The following TASP1 variants were observed in gnomAD, a reference collection of about 807,000 sequenced individuals.
TASP1 encodes the protein taspase 1.
In TASP1, 16 loss-of-function variants were observed where a neutral mutation model predicts 56.6. The observed-to-expected ratio is 0.28, with a 90% CI of 0.19 to 0.43. The LOEUF (loss-of-function observed/expected upper bound fraction) is 0.43, where lower values mean the gene tolerates loss of function less well. Ranked by LOEUF, TASP1 falls within the 20% of genes least tolerant of loss-of-function variation. The pLI is 1.00. For synonymous variants in TASP1, 179 were observed against 184.2 expected, an observed-to-expected ratio of 0.97 and a Z score of 0.23; for missense variants, 393 against 511.6, an observed-to-expected ratio of 0.77 and a Z score of 2.24.
rs145383145 is a variant in TASP1 at position 13,428,597 on chromosome 20, G to A, written c.1096+6447C>T. ...AGCATTTGCTTTGCGTTAAATCAGCGATTTGTAGGCTGGGCTTTGTCAGCA... is the reference window on the plus strand; with the variant it reads ...AGCATTTGCTTTGCGTTAAATCAGCAATTTGTAGGCTGGGCTTTGTCAGCA... On this transcript the variant is annotated intron_variant, in intron 12 of 13. Coordinates refer to ENST00000337743, the MANE Select transcript of TASP1 (RefSeq NM_017714.3). Among the ~76,000 whole-genome samples, 379 of 152,222 alleles carry A rather than the reference G, an allele frequency of 2.5e-3. 1 individual carries two copies. Among genetic ancestry groups the A allele is most frequent in the African/African-American group, 8.5e-3 (354 of 41,534 alleles).
At chr20:13,634,405 C>A (rs572719008) in intron 1 of TASP1, among the ~76,000 whole-genome samples, 12 of 152,114 alleles carry the variant, frequency 7.9e-5, no homozygotes, top group Non-Finnish European at 1.6e-4. Context: ...AGAGGGACTG[C>A]TACTGGGAGC....
chr20:13,127,679 C>T, the TASP1 span, among the ~76,000 whole-genome samples: 1 of 152,132 alleles, frequency 6.6e-6, no homozygotes, highest in Non-Finnish European at 1.5e-5. Flanking sequence ...ACTGATACCC[C>T]CTGGGGCCCT....
chr20:13,289,188 ACAATGT>A, the TASP1 span, among the ~76,000 whole-genome samples: 1 of 152,310 alleles, frequency 6.6e-6, no homozygotes, highest in East Asian at 1.9e-4. Flanking sequence ...GACCTAAAAG[ACAATGT>A]CGCATTGTAC....
chr20:13,255,905 T>C, the TASP1 span, among the ~76,000 whole-genome samples: 4 of 145,634 alleles, frequency 2.7e-5, no homozygotes, highest in African/African-American at 1.0e-4. Context: ...ATTCAGAGGA[T>C]ATTTAGTAAA....
At chr20:13,224,879 T>C in the TASP1 span, among the ~76,000 whole-genome samples, 2 of 143,344 alleles carry the variant, frequency 1.4e-5, no homozygotes, top group African/African-American at 2.6e-5. Flanking sequence ...GCAGTCTTGC[T>C]CTGTCGCCCA....
At chr20:13,451,552 C>T (rs544825746) in intron 11 of TASP1, among the ~76,000 whole-genome samples, 2 of 150,810 alleles carry the variant, frequency 1.3e-5, no homozygotes, top group East Asian at 4.0e-4. Context: ...TTTCCTTATA[C>T]CTCATGAATG....
At chr20:13,177,685 G>A in the TASP1 span, among the ~76,000 whole-genome samples, 1 of 152,116 alleles carries the variant, frequency 6.6e-6, no homozygotes, top group Non-Finnish European at 1.5e-5. Context: ...TCAATAAATG[G>A]TGCTGGGAAA....
intron 13 of TASP1, among the ~76,000 whole-genome samples, chr20:13,405,150 C>T (rs2041870460): frequency 6.6e-6 from 1 of 152,166 alleles, no homozygotes; most frequent in Non-Finnish European, 1.5e-5. Flanking sequence ...TATCCCTAAA[C>T]AGACTGAAAG....
At chr20:13,445,987 G>A (rs1160511854) in intron 11 of TASP1, among the ~76,000 whole-genome samples, 2 of 152,110 alleles carry the variant, frequency 1.3e-5, no homozygotes, top group Non-Finnish European at 2.9e-5. Flanking sequence ...CAACCAATGT[G>A]TACATACTGA....
At chr20:13,570,259 C>A (rs1375402851) in intron 6 of TASP1, among the ~76,000 whole-genome samples, 2 of 151,978 alleles carry the variant, frequency 1.3e-5, no homozygotes, top group South Asian at 4.1e-4. Flanking sequence ...GGATAATTAC[C>A]CCATTCCCTA....
chr20:13,367,885 G>A, the TASP1 span, among the ~76,000 whole-genome samples: 1 of 152,086 alleles, frequency 6.6e-6, no homozygotes, highest in South Asian at 2.1e-4. Flanking sequence ...AAACAAGGCT[G>A]GGCCAGGATA....
chr20:13,543,341 G>A (rs2045692676), intron 8 of TASP1, among the ~76,000 whole-genome samples: 1 of 152,092 alleles, frequency 6.6e-6, no homozygotes, highest in Non-Finnish European at 1.5e-5. Flanking sequence ...GCTCACGCCT[G>A]TAATCCCTAC....
the TASP1 span, among the ~76,000 whole-genome samples, chr20:13,147,224 T>C: frequency 6.6e-6 from 1 of 152,184 alleles, no homozygotes; most frequent in Non-Finnish European, 1.5e-5. Context: ...GCTGTAGCCC[T>C]GGAATCCCGA....
At chr20:13,595,123 A>G (rs1433660845) in intron 4 of TASP1, among the ~76,000 whole-genome samples, 2 of 152,210 alleles carry the variant, frequency 1.3e-5, no homozygotes, top group African/African-American at 4.8e-5. Flanking sequence ...ATCCAGCCAA[A>G]CTAAGCTTCC....
chr20:13,588,359 A>C (rs1485175066), intron 4 of TASP1, among the ~76,000 whole-genome samples: 1 of 152,030 alleles, frequency 6.6e-6, no homozygotes, highest in Non-Finnish European at 1.5e-5. Flanking sequence ...GTAGGTAGGT[A>C]GGTCTAGATT....
chr20:13,464,410 T>C (rs2146370236), intron 11 of TASP1, among the ~76,000 whole-genome samples: 1 of 152,266 alleles, frequency 6.6e-6, no homozygotes, highest in South Asian at 2.1e-4. Context: ...CTAGCCTCCT[T>C]AACTGTGAGG....
At chr20:13,595,334 C>T (rs558066242) in intron 4 of TASP1, among the ~76,000 whole-genome samples, 5 of 152,208 alleles carry the variant, frequency 3.3e-5, no homozygotes, top group African/African-American at 1.2e-4. Flanking sequence ...GCAAAATAAC[C>T]AGCTAACATC....
chr20:13,276,352 T>C, the TASP1 span, among the ~76,000 whole-genome samples: 7 of 152,010 alleles, frequency 4.6e-5, no homozygotes, highest in Middle Eastern at 3.4e-3. Flanking sequence ...GGGAAGTGCA[T>C]TTCCGAGCAA....
At chr20:13,508,984 T>C (rs1413624227) in intron 10 of TASP1, among the ~76,000 whole-genome samples, 2 of 152,200 alleles carry the variant, frequency 1.3e-5, no homozygotes, top group East Asian at 3.9e-4. Flanking sequence ...ATCCCACTTC[T>C]CGTTGTATAT....
Sources: allele counts gnomAD v4.1 joint callset (sites outside exome capture counted in the v4.1 genomes callset), GRCh38; gene constraint gnomAD v4.1.1; transcripts MANE v1.5; gene names NCBI Gene and HGNC (gene_info 2026-07-23, HGNC 2026-07-21).